The following DOCK5 variants were observed in gnomAD, a reference collection of about 807,000 sequenced individuals.
DOCK5 encodes the protein dedicator of cytokinesis protein 5.
In DOCK5, 142 loss-of-function variants were observed where a neutral mutation model predicts 251.8. The ratio of observed to expected loss-of-function variants is 0.56; its 90% CI spans 0.49 to 0.65. The LOEUF is 0.65. Among genes scored for constraint, DOCK5 ranks in the 30% least tolerant of loss-of-function variants. The probability of loss-of-function intolerance (pLI) is 0.00; values close to 1 mark genes in which losing one functional copy is unlikely to be tolerated. For synonymous variants in DOCK5, 842 were observed against 835.5 expected (o/e 1.01, Z -0.13); for missense variants, 2,111 against 2,312.3 (o/e 0.91, Z 1.79).
rs1051095226 is a variant in DOCK5 at position 25,407,914 on chromosome 8, C to T, written c.5094-69C>T. 2.0e-5 allele frequency: 29 copies of T among 1,423,084 alleles called. No homozygotes were observed. In the Admixed American group the frequency reaches 7.2e-4, roughly 35 times the overall value. 88.2% of individuals were successfully genotyped at this position (1,423,084 alleles called of 1,614,324 possible). On this transcript the variant is annotated intron_variant, in intron 48 of 51. Transcript: ENST00000276440. The stretch of plus-strand genomic sequence containing the variant: ...GCCTAAAGAGTCATAACTGCTGGTA[C>T]TTTCATAGTGAATTTTGATTGCAAG...
Position 25,323,728 on chromosome 8 carries a change from G to T in DOCK5, c.1616-120G>T. On this transcript the variant is annotated intron_variant, in intron 16 of 51. Transcript: ENST00000276440. ...TACGTGGCTTATTGCAGTTTGCTCA[G>T]TTGTGCTTATTAGAATATGGTTGAA... 6.2e-6 allele frequency: 7 copies of T among 1,135,092 alleles called. No homozygotes were observed. The South Asian group carries it at 9.5e-5, about 15-fold the overall frequency. The allele number at this position is 1,135,092 out of a possible 1,614,324, so 70.3% of individuals were successfully genotyped here.
At chr8:25,399,834 A>T in intron 45 of DOCK5, 77 bp from the exon 46 acceptor site, 3 of 1,093,790 alleles carry the variant, frequency 2.7e-6, no homozygotes, top group Non-Finnish European at 1.4e-6. Context: ...CGCACAGGAC[A>T]CATGTTTCAC....
At chr8:25,328,848 TACTC>T (rs1270022463) in intron 18 of DOCK5, among the ~76,000 whole-genome samples, 1 of 152,216 alleles carries the variant, frequency 6.6e-6, no homozygotes, top group African/African-American at 2.4e-5. Flanking sequence ...AGGAGGTTCA[TACTC>T]AGTCAGTCAT....
At chr8:25,294,644 C>T (rs1563341552) in intron 6 of DOCK5, among the ~76,000 whole-genome samples, 1 of 152,126 alleles carries the variant, frequency 6.6e-6, no homozygotes, top group African/African-American at 2.4e-5. Flanking sequence ...TTTGCTTCTA[C>T]TAGTTGCTGC....
At chr8:25,381,996 T>C (rs564914277) in intron 39 of DOCK5, among the ~76,000 whole-genome samples, 1 of 152,288 alleles carries the variant, frequency 6.6e-6, no homozygotes, top group African/African-American at 2.4e-5. Context: ...CAGTCCTTCT[T>C]TTTAAAAATG....
At position 25,296,617 on chromosome 8, in the gene DOCK5, A is replaced by G. The variant is rs1804622549; in HGVS notation, c.575A>G (p.Lys192Arg). The G allele has an allele frequency of 6.2e-7, 1 of 1,612,714 alleles. No homozygotes were observed. The highest frequency in any genetic ancestry group is 8.5e-7 in the Non-Finnish European group (1 of 1,179,396). ...TTCAAGGCCCATGAGGTGGCCTCCA[A>G]AAGGATTGAGGAAAAGATCCAAGAA... ...ALFKAHEVAS[K>R]RIEEKIQEEK... The change falls in exon 7 of 52, where the codon AAA becomes AGA. Residue 192 changes from lysine to arginine, a missense_variant. Coordinates refer to ENST00000276440, the MANE Select transcript of DOCK5 (RefSeq NM_024940.8).
chr8:25,326,311 G>T (rs1452162827), intron 18 of DOCK5, among the ~76,000 whole-genome samples: 1 of 152,184 alleles, frequency 6.6e-6, no homozygotes, highest in Non-Finnish European at 1.5e-5. Flanking sequence ...ACAGGCAAGA[G>T]CTCTGCCTTA....
Position 25,382,818 on chromosome 8 carries a change from A to T in DOCK5, c.4131+40A>T, listed in dbSNP as rs1006863709. ...GGTGGTCTCCCAGGCCATTAGGAGG[A>T]GGGAAGAGACTCATTTCTTTTCCAG... is the stretch of plus-strand genomic sequence containing the variant. On this transcript the variant is annotated intron_variant, in intron 40 of 51. Coordinates refer to ENST00000276440, the MANE Select transcript of DOCK5 (RefSeq NM_024940.8). 1.1e-5 allele frequency: 17 copies of T among 1,515,520 alleles called. No individual in the cohort carries two copies. The Admixed American group carries it at 2.0e-4, about 18-fold the overall frequency. 93.9% of individuals were successfully genotyped at this position (1,515,520 alleles called of 1,614,324 possible).
In DOCK5 at chr8:25,319,558, T is replaced by C; in HGVS notation, c.1444-20T>C. On this transcript the variant is annotated intron_variant, in intron 14 of 51. Coordinates refer to ENST00000276440, the MANE Select transcript of DOCK5 (RefSeq NM_024940.8). The stretch of plus-strand genomic sequence containing the variant: ...TCTAAACAAAATTATTCCCTTCTAA[T>C]TTTTTCCTTCCATCTGAAGAAAGCA... 1 of 1,544,576 alleles carries C rather than the reference T, an allele frequency of 6.5e-7. No homozygotes were observed. The highest frequency in any genetic ancestry group is 8.8e-7 in the Non-Finnish European group (1 of 1,138,756).
intron 27 of DOCK5, among the ~76,000 whole-genome samples, chr8:25,352,665 G>A (rs1000386637): frequency 7.9e-5 from 12 of 152,182 alleles, no homozygotes; most frequent in African/African-American, 2.4e-4. Context: ...TCACAAATAC[G>A]TATTTAAAAA....
At chr8:25,300,425 T>C in intron 8 of DOCK5, 151 bp from the exon 9 acceptor site, 1 of 650,182 alleles carries the variant, frequency 1.5e-6, no homozygotes, top group South Asian at 2.1e-5. Context: ...GTGGTCCCAG[T>C]TCCCAACTCA....
chr8:25,382,619 TCCCCCAA>T, intron 39 of DOCK5, 48 bp from the exon 40 acceptor site: 1 of 1,385,400 alleles, frequency 7.2e-7, no homozygotes, highest in Admixed American at 2.4e-5. Flanking sequence ...ACTTTTTTTT[TCCCCCAA>T]CTGTGTACTT....
chr8:25,273,674 C>A (rs952950596), intron 3 of DOCK5, among the ~76,000 whole-genome samples: 1 of 152,152 alleles, frequency 6.6e-6, no homozygotes, highest in African/African-American at 2.4e-5. Context: ...TTTTTCACTT[C>A]GATGGTGTGC....
rs898150396 is a variant in DOCK5 at position 25,300,584 on chromosome 8, A to G, written c.773A>G (p.Tyr258Cys). ...TTTTTTTCCTTTGCCAGTGAGAACT[A>G]TCTAATTCGTTGGGGCAGTAACGGG... The part of the protein sequence containing the change: ...PDQSTFISEN[Y>C]LIRWGSNGMP... Residue 258 changes from tyrosine to cysteine, a missense_variant, in exon 9 of 52, where the codon TAT (tyrosine) becomes TGT (cysteine). By Grantham distance (194) the Tyr-to-Cys change is radical. Transcript: ENST00000276440. 3.7e-6 allele frequency: 6 copies of G among 1,612,832 alleles called. No homozygotes were observed. Among genetic ancestry groups the G allele is most frequent in the Non-Finnish European group, 5.1e-6 (6 of 1,179,422 alleles).
Position 25,306,681 on chromosome 8 carries a change from G to C in DOCK5, c.1050-2102G>C, listed in dbSNP as rs113289171. 5.9e-5 allele frequency among the ~76,000 whole-genome samples: 9 copies of C among 151,506 alleles called. No individual in the cohort carries two copies. In the South Asian group the frequency reaches 1.9e-3, roughly 32 times the overall value. Reference sequence around the variant, plus strand: ...TGCACTCCAGCCTCGGCGACAGAGCGAGACTCCGTCTGAAAAAAAAATAAA... The same window carrying C: ...TGCACTCCAGCCTCGGCGACAGAGCCAGACTCCGTCTGAAAAAAAAATAAA... On this transcript the variant is annotated intron_variant, in intron 11 of 51. Transcript: ENST00000276440.
At chr8:25,350,376 G>T (rs1255122154) in intron 26 of DOCK5, among the ~76,000 whole-genome samples, 1 of 152,020 alleles carries the variant, frequency 6.6e-6, no homozygotes, top group Non-Finnish European at 1.5e-5. Context: ...GCCAAATGAG[G>T]GTAATATCTA....
intron 40 of DOCK5, among the ~76,000 whole-genome samples, chr8:25,383,653 G>T (rs1159529519): frequency 6.6e-6 from 1 of 152,138 alleles, no homozygotes; most frequent in South Asian, 2.1e-4. Context: ...TCAGGGGTTC[G>T]AGACCAGTGT....
chr8:25,201,141 A>C (rs1216693115), intron 1 of DOCK5, among the ~76,000 whole-genome samples: 1 of 152,204 alleles, frequency 6.6e-6, no homozygotes, highest in Admixed American at 6.5e-5. Flanking sequence ...TCCTGACCTC[A>C]GGTGATCCGC....
intron 13 of DOCK5, among the ~76,000 whole-genome samples, chr8:25,314,726 C>G (rs967775111): frequency 6.7e-6 from 1 of 149,380 alleles, no homozygotes; most frequent in African/African-American, 2.5e-5. Flanking sequence ...AACCTCTATC[C>G]ACCCATCCAT....
Sources: allele counts gnomAD v4.1 joint callset (sites outside exome capture counted in the v4.1 genomes callset), GRCh38; gene constraint gnomAD v4.1.1; transcripts MANE v1.5; gene names NCBI Gene and HGNC (gene_info 2026-07-23, HGNC 2026-07-21).